COL17A1: variants seen among roughly 807,000 people sequenced by gnomAD.
COL17A1 encodes the protein collagen alpha-1(XVII) chain.
A neutral mutation model predicts 218.4 loss-of-function variants in COL17A1; 181 were observed. The ratio of observed to expected loss-of-function variants is 0.83; its 90% CI spans 0.73 to 0.94. The LOEUF is 0.94. COL17A1 is among the 40% of genes least tolerant of loss of function. The pLI is 0.00. For synonymous variants in COL17A1, 721 were observed against 731.0 expected (o/e 0.99, Z 0.22); for missense variants, 1,924 against 1,945.9 (o/e 0.99, Z 0.21).
chr10:104,058,113 C>G, intron 16 of COL17A1, 33 bp downstream of exon 16: 1 of 1,613,930 alleles, frequency 6.2e-7, no homozygotes, highest in Non-Finnish European at 8.5e-7. Context: ...CCCACTGGAT[C>G]CTGTCACTGC....
intron 15 of COL17A1, among the ~76,000 whole-genome samples, chr10:104,058,453 C>T (rs562191845): frequency 4.6e-5 from 7 of 152,294 alleles, no homozygotes; most frequent in Non-Finnish European, 1.0e-4. Flanking sequence ...CACCTCAAAA[C>T]ATTTTTGGAA....
chr10:104,050,555 G>T (rs1589565090), intron 27 of COL17A1, 66 bp downstream of exon 27: 4 of 1,611,936 alleles, frequency 2.5e-6, no homozygotes, highest in Non-Finnish European at 2.5e-6. Flanking sequence ...TACAGTGAGG[G>T]TCCCATCTGG....
intron 28 of COL17A1, 136 bp from the exon 29 acceptor site, chr10:104,049,607 C>G (rs529031281): frequency 1.2e-6 from 1 of 857,578 alleles, no homozygotes; most frequent in East Asian, 2.6e-5. Flanking sequence ...ACTTGGAACC[C>G]CTGGGAAGTG....
At chr10:104,064,389 G>C (rs2086608295) in intron 10 of COL17A1, 49 bp downstream of exon 10, 1 of 1,612,798 alleles carries the variant, frequency 6.2e-7, no homozygotes, top group Non-Finnish European at 8.5e-7. Flanking sequence ...CAGGATAGAG[G>C]CATGCCGAGT....
At chr10:104,058,286 A>G (rs2086550700) in intron 15 of COL17A1, 96 bp from the exon 16 acceptor site, 1 of 1,542,326 alleles carries the variant, frequency 6.5e-7, no homozygotes, top group South Asian at 1.1e-5. Context: ...TACTTTCTTA[A>G]TAAACTTGCT....
chr10:104,052,699 A>G (rs1200333907), intron 23 of COL17A1, among the ~76,000 whole-genome samples: 2 of 152,052 alleles, frequency 1.3e-5, no homozygotes, highest in Non-Finnish European at 1.5e-5. Context: ...TCCACCTTAC[A>G]ATTGACTCTG....
chr10:104,051,609 T>C, intron 24 of COL17A1, 93 bp from the exon 25 acceptor site: 1 of 1,500,354 alleles, frequency 6.7e-7, no homozygotes, highest in South Asian at 1.2e-5. Flanking sequence ...TTAGGGACGC[T>C]GTCTTCCAGG....
intron 12 of COL17A1, 79 bp from the exon 13 acceptor site, chr10:104,061,552 A>G: frequency 1.6e-6 from 2 of 1,235,136 alleles, no homozygotes; most frequent in Non-Finnish European, 2.3e-6. Flanking sequence ...CCTGGCAGAG[A>G]GGTACCCCCG....
At chr10:104,058,314 AC>A in intron 15 of COL17A1, 124 bp from the exon 16 acceptor site, 1 of 1,183,970 alleles carries the variant, frequency 8.4e-7, no homozygotes, top group Non-Finnish European at 1.2e-6. Context: ...ACGTGCAGGA[AC>A]ATCCAGCATC....
At chr10:104,050,787 A>G (rs1376483175) in intron 26 of COL17A1, 61 bp downstream of exon 26, 1 of 1,613,852 alleles carries the variant, frequency 6.2e-7, no homozygotes, top group African/African-American at 1.3e-5. Flanking sequence ...GTCAGCCTGC[A>G]TAGGCTGTGG....
At chr10:104,056,088 A>C (rs1458617889) in intron 17 of COL17A1, 85 bp from the exon 18 acceptor site, 17 of 1,507,138 alleles carry the variant, frequency 1.1e-5, no homozygotes, top group Non-Finnish European at 1.2e-5. Flanking sequence ...AGCCTGACAC[A>C]AGGGATTGGG....
At chr10:104,072,968 G>A (rs2086680560) in intron 7 of COL17A1, among the ~76,000 whole-genome samples, 1 of 152,176 alleles carries the variant, frequency 6.6e-6, no homozygotes, top group Non-Finnish European at 1.5e-5. Flanking sequence ...GCCCCACATT[G>A]TTATCATGTG....
Position 104,046,907 on chromosome 10 carries a change from G to A in COL17A1, c.2336-134C>T, listed in dbSNP as rs562641914. On this transcript the variant is annotated intron_variant, in intron 31 of 55. Transcript: ENST00000648076. ...GGTACAGAAGGACACGTCTCATGCC[G>A]GGGCAGCCAGCATCCTTGGACCTCT... 118 of 813,558 alleles carry A rather than the reference G, an allele frequency of 1.5e-4. 1 individual carries two copies. The highest frequency in any genetic ancestry group is 5.8e-4 in the African/African-American group (34 of 58,948). 50.4% of individuals were successfully genotyped at this position (813,558 alleles called of 1,614,324 possible).
chr10:104,036,588 G>A lies in COL17A1; in HGVS notation c.3322C>T (p.Arg1108Trp), dbSNP rs1398216837. The A allele has an allele frequency of 3.1e-6, 5 of 1,613,976 alleles. No individual in the cohort carries two copies. The highest frequency in any genetic ancestry group is 1.7e-5 in the Admixed American group (1 of 60,004). The change falls in exon 48 of 56, where the codon CGG becomes TGG. Residue 1108 changes from arginine to tryptophan, a missense_variant. By Grantham distance (101) the Arg-to-Trp change is moderately radical. Transcript: ENST00000648076. ...QYLRQYLMGP[R>W]GPPGPPGASG... ...GCTCCTGGTGGCCCTGGCGGACCCC[G>A]AGGGCCCATCAAGTACTGACGTAGG...
chr10:104,067,557 A>G (rs12249374), intron 9 of COL17A1, among the ~76,000 whole-genome samples: 3,515 of 152,302 alleles, frequency 0.023, 142 homozygotes, highest in African/African-American at 0.08. Flanking sequence ...AAAGCTGTCC[A>G]TCTTGCAGAC....
chr10:104,043,437 T>C (rs534812732), intron 35 of COL17A1, 64 bp downstream of exon 35: 4 of 1,420,556 alleles, frequency 2.8e-6, no homozygotes, highest in African/African-American at 2.8e-5. Context: ...TGAAGAAATA[T>C]GGCTAGAGTC....
rs748775189 is a variant in COL17A1, at chr10:104,058,206, G to A, written c.1223-16C>T. 9 of 1,614,060 alleles carry A rather than the reference G, an allele frequency of 5.6e-6. No homozygotes were observed. The highest frequency in any genetic ancestry group is 5.9e-6 in the Non-Finnish European group (7 of 1,180,022). On this transcript the variant is annotated splice_polypyrimidine_tract_variant and intron_variant, in intron 15 of 55. Transcript: ENST00000648076. ...TTCAGGTCTCCTGAAAGGACAAACAGATTGACCTGAGCTTTTAAACTGGAG... is the reference window on the plus strand; with the variant it reads ...TTCAGGTCTCCTGAAAGGACAAACAAATTGACCTGAGCTTTTAAACTGGAG...
At chr10:104,062,449 A>G (rs980596657) in intron 11 of COL17A1, 120 bp from the exon 12 acceptor site, 3 of 1,354,366 alleles carry the variant, frequency 2.2e-6, no homozygotes, top group Non-Finnish European at 3.1e-6. Flanking sequence ...CAGATTCCCA[A>G]ACTTCCTCGG....
intron 1 of COL17A1, 21 bp from the exon 2 acceptor site, chr10:104,080,705 C>G: frequency 2.5e-6 from 4 of 1,611,216 alleles, no homozygotes; most frequent in Non-Finnish European, 3.4e-6. Flanking sequence ...AATCAGAAAC[C>G]ATGATAGTCA....
Sources: allele counts gnomAD v4.1 joint callset (sites outside exome capture counted in the v4.1 genomes callset), GRCh38; gene constraint gnomAD v4.1.1; transcripts MANE v1.5; gene names NCBI Gene and HGNC (gene_info 2026-07-23, HGNC 2026-07-21).